Variants in MMP20 observed in about 807,000 individuals in gnomAD.
The protein encoded by MMP20 is matrix metalloproteinase-20.
A neutral mutation model predicts 51.8 loss-of-function variants in MMP20; 50 were observed. The observed-to-expected ratio is 0.97, with a 90% CI of 0.77 to 1.22. The LOEUF is 1.22. Among genes scored for constraint, MMP20 ranks in the 50% most tolerant of loss-of-function variants. The pLI is 0.00. For missense variants in MMP20, 663 were observed against 601.4 expected, an observed-to-expected ratio of 1.10 and a Z score of -1.07; for synonymous variants, 244 against 216.2, an observed-to-expected ratio of 1.13 and a Z score of -1.13.
chr11:102,602,925 G>C (rs1711432), intron 6 of MMP20, among the ~76,000 whole-genome samples: 77,618 of 152,022 alleles, frequency 0.51, 20,345 homozygotes, highest in South Asian at 0.66. Flanking sequence ...CTGAGGAAAT[G>C]TGATATAGCC....
In MMP20 at chr11:102,593,610, T is replaced by G; in HGVS notation, c.1091-15A>C. The stretch of plus-strand genomic sequence containing the variant: ...GTAGTGGGGACCTGAAAACAGAAAT[T>G]AAAGTTTACGAAAACTCTGCACCAC... On this transcript the variant is annotated splice_polypyrimidine_tract_variant and intron_variant, in intron 7 of 9. Transcript: ENST00000260228. 6.2e-7 allele frequency: 1 copy of G among 1,613,870 alleles called. No individual in the cohort carries two copies. Among genetic ancestry groups the G allele is most frequent in the Non-Finnish European group, 8.5e-7 (1 of 1,179,824 alleles).
intron 1 of MMP20, among the ~76,000 whole-genome samples, chr11:102,624,924 T>C (rs1761912252): frequency 6.6e-6 from 1 of 152,176 alleles, no homozygotes; most frequent in Admixed American, 6.5e-5. Context: ...TTATATTGCA[T>C]GGTTTTCACA....
In MMP20 at chr11:102,594,694, G is replaced by A; in HGVS notation, c.1017C>T (p.Ser339=). The change falls in exon 7 of 10, where the codon TCC becomes TCT. Residue 339 remains serine (S), a synonymous_variant. Coordinates refer to ENST00000260228, the MANE Select transcript of MMP20 (RefSeq NM_004771.4). ...TGIRPSTITS[S]FPQLMSNVDA... is the part of the protein sequence containing the mutation. ...CCACATTGGACATGAGCTGGGGGAA[G>A]GAGCTGGTAATAGTGCTGGGCCGAA... The A allele has an allele frequency of 6.2e-7, 1 of 1,611,398 alleles. No individual in the cohort carries two copies. Among genetic ancestry groups the A allele is most frequent in the East Asian group, 2.2e-5 (1 of 44,766 alleles).
At chr11:102,583,992 T>C (rs1294040758) in intron 8 of MMP20, among the ~76,000 whole-genome samples, 2 of 152,238 alleles carry the variant, frequency 1.3e-5, no homozygotes, top group African/African-American at 4.8e-5. Flanking sequence ...AATATTCCAT[T>C]GTATGAATTT....
At chr11:102,619,905 G>C (rs1173738790) in intron 1 of MMP20, among the ~76,000 whole-genome samples, 1 of 152,034 alleles carries the variant, frequency 6.6e-6, no homozygotes, top group Non-Finnish European at 1.5e-5. Context: ...GATTGAAATA[G>C]TACCTTTTAA....
intron 8 of MMP20, among the ~76,000 whole-genome samples, chr11:102,587,318 T>C (rs1292842938): frequency 6.6e-6 from 1 of 152,228 alleles, no homozygotes; most frequent in African/African-American, 2.4e-5. Flanking sequence ...AAGAGATACT[T>C]GTACGACTTA....
intron 6 of MMP20, among the ~76,000 whole-genome samples, chr11:102,601,095 G>T (rs1003028245): frequency 1.3e-5 from 2 of 149,210 alleles, no homozygotes; most frequent in East Asian, 2.0e-4. Context: ...CACATAGCAC[G>T]TTGCAAATGA....
At chr11:102,598,279 CAAAA>C (rs1376073013) in intron 6 of MMP20, among the ~76,000 whole-genome samples, 3 of 151,864 alleles carry the variant, frequency 2.0e-5, no homozygotes, top group Admixed American at 2.0e-4. Context: ...AAAATATAAA[CAAAA>C]AAATCTATAA....
At chr11:102,609,800 C>G in intron 4 of MMP20, 105 bp downstream of exon 4, 1 of 1,510,294 alleles carries the variant, frequency 6.6e-7, no homozygotes, top group East Asian at 2.3e-5. Flanking sequence ...CTAGCCAGCC[C>G]CCCTAGTTAA....
intron 5 of MMP20, 138 bp downstream of exon 5, chr11:102,608,799 T>G (rs1859553109): frequency 1.1e-6 from 1 of 909,500 alleles, no homozygotes; most frequent in African/African-American, 1.6e-5. Context: ...GCAAATCAGC[T>G]CTTCACAAGA....
intron 4 of MMP20, 131 bp from the exon 5 acceptor site, chr11:102,609,229 G>C (rs1389482763): frequency 1.9e-5 from 16 of 853,630 alleles, no homozygotes; most frequent in Non-Finnish European, 2.2e-5. Flanking sequence ...ATTATTCAAA[G>C]GTTGGTAGGT....
chr11:102,593,904 C>T (rs935822274), intron 7 of MMP20, among the ~76,000 whole-genome samples: 20 of 152,160 alleles, frequency 1.3e-4, no homozygotes, highest in African/African-American at 4.3e-4. Flanking sequence ...CATAGATCTA[C>T]GAGAGAGAAT....
At chr11:102,621,477 T>C (rs1859750263) in intron 1 of MMP20, among the ~76,000 whole-genome samples, 1 of 152,234 alleles carries the variant, frequency 6.6e-6, no homozygotes, top group South Asian at 2.1e-4. Flanking sequence ...TTCTCATCTA[T>C]AGAGTGGTTT....
At chr11:102,580,499 T>G (rs1420697555) in intron 8 of MMP20, among the ~76,000 whole-genome samples, 1 of 152,204 alleles carries the variant, frequency 6.6e-6, no homozygotes, top group Admixed American at 6.5e-5. Context: ...TCTAGTGATG[T>G]TGAGCCAAAG....
chr11:102,617,548 G>A (rs922338792), intron 1 of MMP20, among the ~76,000 whole-genome samples: 10 of 151,466 alleles, frequency 6.6e-5, no homozygotes, highest in Non-Finnish European at 4.4e-5. Context: ...ACTCTTAAAG[G>A]CATTGTATTC....
Position 102,577,396 on chromosome 11 carries a change from GT to G in MMP20, c.1381del (p.Thr461HisfsTer15), listed in dbSNP as rs761650618. 4 of 1,613,824 alleles carry G rather than the reference GT, an allele frequency of 2.5e-6. No individual in the cohort carries two copies. Among genetic ancestry groups the G allele is most frequent in the Non-Finnish European group, 3.4e-6 (4 of 1,179,846 alleles). ...TTCCTTCTCTGTGTCATACTTGTAT[GT>G]TTTTGGTCCTGAAAAGAAGTAAATG... ...GYIYFFSGPK[T>X]YKYDTEKEDV... is the part of the protein sequence containing the mutation. On this transcript the variant is annotated frameshift_variant, in exon 10 of 10. Coordinates refer to ENST00000260228, the MANE Select transcript of MMP20 (RefSeq NM_004771.4). LOFTEE classifies it high-confidence loss of function.
chr11:102,614,803 G>GAA (rs34970756), intron 2 of MMP20, among the ~76,000 whole-genome samples: 1 of 149,134 alleles, frequency 6.7e-6, no homozygotes. Flanking sequence ...TCTACAAGGA[G>GAA]AAAAAAAAAA....
At chr11:102,579,652 G>A (rs907000770) in intron 8 of MMP20, among the ~76,000 whole-genome samples, 4 of 152,114 alleles carry the variant, frequency 2.6e-5, no homozygotes, top group Non-Finnish European at 5.9e-5. Context: ...ACCTAAAAGA[G>A]ATTATAGACC....
chr11:102,603,097 C>T (rs943612566), intron 6 of MMP20, among the ~76,000 whole-genome samples: 11 of 152,172 alleles, frequency 7.2e-5, no homozygotes, highest in Non-Finnish European at 1.0e-4. Flanking sequence ...ACAAATCTCA[C>T]GGTGACTTTA....
Sources: allele counts gnomAD v4.1 joint callset (sites outside exome capture counted in the v4.1 genomes callset), GRCh38; gene constraint gnomAD v4.1.1; transcripts MANE v1.5; gene names NCBI Gene and HGNC (gene_info 2026-07-23, HGNC 2026-07-21).